Variants in SLC16A12 observed in about 807,000 individuals in gnomAD.
The protein encoded by SLC16A12 is solute carrier family 16 member 12.
Under a neutral mutation model 42.4 loss-of-function variants are expected in SLC16A12, and 17 were observed. The observed-to-expected ratio is 0.40, with a 90% confidence interval of 0.27 to 0.60. SLC16A12 has a LOEUF of 0.60. Ranked by LOEUF, SLC16A12 falls within the 20% of genes least tolerant of loss-of-function variation. SLC16A12 has a pLI of 0.42. For synonymous variants in SLC16A12, 224 were observed against 229.4 expected, an observed-to-expected ratio of 0.98 and a Z score of 0.21; for missense variants, 544 against 623.0, an observed-to-expected ratio of 0.87 and a Z score of 1.35.
At chr10:89,441,695 G>A (rs569834254) in intron 4 of SLC16A12, among the ~76,000 whole-genome samples, 51 of 152,304 alleles carry the variant, frequency 3.3e-4, no homozygotes, top group African/African-American at 1.2e-3. Flanking sequence ...TAAAAGACCA[G>A]GGAGAGAGAT....
chr10:89,458,874 TAAC>T (rs1166819258), intron 3 of SLC16A12, among the ~76,000 whole-genome samples: 4 of 152,226 alleles, frequency 2.6e-5, no homozygotes, highest in African/African-American at 9.7e-5. Context: ...TGGGGTGAGT[TAAC>T]AAACCACTTT....
intron 2 of SLC16A12, among the ~76,000 whole-genome samples, chr10:89,474,134 T>C (rs1842541718): frequency 6.6e-6 from 1 of 152,244 alleles, no homozygotes; most frequent in Non-Finnish European, 1.5e-5. Context: ...CCACTGCTTC[T>C]ATGCCTTAAA....
At chr10:89,478,160 G>C (rs1169382811) in intron 2 of SLC16A12, among the ~76,000 whole-genome samples, 1 of 152,128 alleles carries the variant, frequency 6.6e-6, no homozygotes, top group East Asian at 1.9e-4. Context: ...TAGACTTAAG[G>C]GGGCAGAGGG....
chr10:89,528,610 G>A (rs1474665626), intron 2 of SLC16A12, among the ~76,000 whole-genome samples: 1 of 151,878 alleles, frequency 6.6e-6, no homozygotes, highest in Admixed American at 6.6e-5. Flanking sequence ...TAGAGAAAAT[G>A]CACACACAAA....
intron 2 of SLC16A12, among the ~76,000 whole-genome samples, chr10:89,514,587 G>A (rs56962658): frequency 0.079 from 12,066 of 152,166 alleles, 753 homozygotes; most frequent in East Asian, 0.3. Context: ...CTCTCTTCCT[G>A]TTCTCATCAG....
intron 2 of SLC16A12, among the ~76,000 whole-genome samples, chr10:89,550,380 G>T (rs931146728): frequency 2.0e-5 from 3 of 152,110 alleles, no homozygotes; most frequent in Non-Finnish European, 4.4e-5. Flanking sequence ...TTAGACGGGT[G>T]TGGTGGCAGG....
intron 2 of SLC16A12, among the ~76,000 whole-genome samples, chr10:89,554,534 T>G (rs1843797344): frequency 6.6e-6 from 1 of 152,254 alleles, no homozygotes; most frequent in South Asian, 2.1e-4. Flanking sequence ...TGAACAGGTT[T>G]GTTTTTTAAA....
At chr10:89,532,792 TA>T (rs2133873045) in intron 2 of SLC16A12, among the ~76,000 whole-genome samples, 2 of 152,296 alleles carry the variant, frequency 1.3e-5, no homozygotes, top group East Asian at 3.8e-4. Flanking sequence ...AGAAAATGCT[TA>T]AAACTGGAAT....
At chr10:89,495,259 C>T (rs960362168) in intron 2 of SLC16A12, among the ~76,000 whole-genome samples, 2 of 152,146 alleles carry the variant, frequency 1.3e-5, no homozygotes, top group African/African-American at 4.8e-5. Context: ...GAAGCTGAGA[C>T]AGGAGAATTG....
chr10:89,552,402 A>G (rs1287155925), intron 2 of SLC16A12, among the ~76,000 whole-genome samples: 2 of 152,240 alleles, frequency 1.3e-5, no homozygotes, highest in African/African-American at 4.8e-5. Flanking sequence ...GAACATTATG[A>G]CAATCTATTT....
At chr10:89,501,234 G>C (rs1842987789) in intron 2 of SLC16A12, among the ~76,000 whole-genome samples, 1 of 152,074 alleles carries the variant, frequency 6.6e-6, no homozygotes, top group South Asian at 2.1e-4. Context: ...ACTGCCAAAA[G>C]CAATCTACAA....
chr10:89,438,367 G>A (rs907904060), intron 6 of SLC16A12, among the ~76,000 whole-genome samples: 11 of 152,338 alleles, frequency 7.2e-5, no homozygotes, highest in African/African-American at 2.6e-4. Flanking sequence ...TAATAGCAGA[G>A]TTGGGTAGTT....
At chr10:89,500,149 A>T (rs947967978) in intron 2 of SLC16A12, among the ~76,000 whole-genome samples, 1 of 152,134 alleles carries the variant, frequency 6.6e-6, no homozygotes, top group Non-Finnish European at 1.5e-5. Context: ...TGGTAATTTT[A>T]AAAATACCAA....
chr10:89,456,932 C>T (rs1435849789), intron 3 of SLC16A12, among the ~76,000 whole-genome samples: 1 of 152,148 alleles, frequency 6.6e-6, no homozygotes, highest in Non-Finnish European at 1.5e-5. Flanking sequence ...ATATGTACCA[C>T]ATTTTCTTTA....
chr10:89,451,893 C>G (rs541821427), intron 3 of SLC16A12, among the ~76,000 whole-genome samples: 2 of 152,204 alleles, frequency 1.3e-5, no homozygotes, highest in East Asian at 1.9e-4. Context: ...GGACTCAAAG[C>G]CAGTATGAGG....
At chr10:89,450,119 G>A (rs1842070059) in intron 3 of SLC16A12, among the ~76,000 whole-genome samples, 1 of 152,226 alleles carries the variant, frequency 6.6e-6, no homozygotes, top group Non-Finnish European at 1.5e-5. Context: ...AACAGGTGCT[G>A]GAGAGGATGT....
chr10:89,536,177 A>C (rs1843657813), upstream of SLC16A12, among the ~76,000 whole-genome samples: 1 of 152,188 alleles, frequency 6.6e-6, no homozygotes, highest in Non-Finnish European at 1.5e-5. Context: ...CGGTGTTCCC[A>C]AAAAGAACTT....
intron 2 of SLC16A12, among the ~76,000 whole-genome samples, chr10:89,515,521 A>AG (rs1843236862): frequency 6.6e-6 from 1 of 152,222 alleles, no homozygotes. Context: ...CAGGCACAGT[A>AG]GAAGTTCCAC....
chr10:89,467,827 T>C (rs1039556286), intron 2 of SLC16A12, among the ~76,000 whole-genome samples: 1 of 152,220 alleles, frequency 6.6e-6, no homozygotes, highest in East Asian at 1.9e-4. Flanking sequence ...CTCTTTTTTA[T>C]GGTTTTTCAA....
Sources: allele counts gnomAD v4.1 joint callset (sites outside exome capture counted in the v4.1 genomes callset), GRCh38; gene constraint gnomAD v4.1.1; transcripts MANE v1.5; gene names NCBI Gene and HGNC (gene_info 2026-07-23, HGNC 2026-07-21).